CHN1: variants seen among roughly 807,000 people sequenced by gnomAD.
CHN1 encodes the protein N-chimaerin.
In CHN1, 37 loss-of-function variants were observed where a neutral mutation model predicts 59.5. The ratio of observed to expected loss-of-function variants is 0.62; its 90% CI spans 0.48 to 0.82. The LOEUF is 0.82. Ranked by LOEUF, CHN1 falls within the 40% of genes least tolerant of loss-of-function variation. The probability of loss-of-function intolerance (pLI) is 0.00; values close to 1 mark genes in which losing one functional copy is unlikely to be tolerated. For synonymous variants in CHN1, 206 were observed against 200.4 expected (o/e 1.03, Z -0.24); for missense variants, 469 against 571.0 (o/e 0.82, Z 1.82).
In CHN1 at chr2:174,854,596, C is replaced by T. The variant is rs148577893; in HGVS notation, c.550-7639G>A. 1.6e-4 allele frequency among the ~76,000 whole-genome samples: 24 copies of T among 152,266 alleles called. No individual in the cohort carries two copies. The East Asian group carries it at 4.4e-3, about 28-fold the overall frequency. Reference sequence around the variant, plus strand: ...TAACTCTGTCATTTATTGGCTATGGCACCTCCTTGGTCAAGTAACTGATTT... The same window carrying T: ...TAACTCTGTCATTTATTGGCTATGGTACCTCCTTGGTCAAGTAACTGATTT... On this transcript the variant is annotated intron_variant, in intron 6 of 12. Transcript: ENST00000409900.
chr2:175,003,463 G>A (rs867842860), intron 1 of CHN1, among the ~76,000 whole-genome samples: 59 of 151,756 alleles, frequency 3.9e-4, no homozygotes, highest in African/African-American at 1.3e-3. Flanking sequence ...TTTTTTATTC[G>A]TCAGGAATGC....
intron 1 of CHN1, among the ~76,000 whole-genome samples, chr2:174,979,958 C>A (rs1229641319): frequency 6.6e-6 from 1 of 152,086 alleles, no homozygotes; most frequent in African/African-American, 2.4e-5. Flanking sequence ...CAATTTCATT[C>A]CAAGATTTAA....
intron 8 of CHN1, among the ~76,000 whole-genome samples, chr2:174,812,978 C>T (rs1022480768): frequency 1.3e-5 from 2 of 152,132 alleles, no homozygotes; most frequent in African/African-American, 4.8e-5. Flanking sequence ...TATATGATAA[C>T]TAATATATAA....
chr2:174,974,575 A>T (rs959611514), intron 1 of CHN1, among the ~76,000 whole-genome samples: 3 of 152,310 alleles, frequency 2.0e-5, no homozygotes, highest in African/African-American at 7.2e-5. Context: ...ACTGTTCACA[A>T]GTGACAATTA....
intron 5 of CHN1, among the ~76,000 whole-genome samples, chr2:174,897,367 C>T (rs369264308): frequency 6.6e-6 from 1 of 152,090 alleles, no homozygotes; most frequent in South Asian, 2.1e-4. Context: ...AAAAGATCAA[C>T]ATTTGCCTTA....
intron 6 of CHN1, among the ~76,000 whole-genome samples, chr2:174,858,392 T>A (rs1275365472): frequency 1.3e-5 from 2 of 152,194 alleles, no homozygotes; most frequent in African/African-American, 4.8e-5. Flanking sequence ...TTTGCTTTTA[T>A]TTTGAAAATG....
chr2:174,904,858 A>G (rs888173125), intron 5 of CHN1, among the ~76,000 whole-genome samples: 12 of 152,152 alleles, frequency 7.9e-5, no homozygotes, highest in African/African-American at 2.9e-4. Context: ...AACAGAGGTT[A>G]CGGGTTACAA....
chr2:174,853,127 A>C (rs1188703209), intron 6 of CHN1, among the ~76,000 whole-genome samples: 1 of 152,208 alleles, frequency 6.6e-6, no homozygotes, highest in Non-Finnish European at 1.5e-5. Context: ...TGTGCACAGC[A>C]AAAGAAACTA....
chr2:174,889,952 G>C (rs1687999479), intron 5 of CHN1, among the ~76,000 whole-genome samples: 1 of 149,784 alleles, frequency 6.7e-6, no homozygotes, highest in Non-Finnish European at 1.5e-5. Flanking sequence ...AAATGAGAAG[G>C]GAATCAAACC....
At chr2:174,981,826 AGGG>A (rs1691159781) in intron 1 of CHN1, among the ~76,000 whole-genome samples, 1 of 152,170 alleles carries the variant, frequency 6.6e-6, no homozygotes, top group African/African-American at 2.4e-5. Context: ...TTTAAGTTTT[AGGG>A]TACATGTGCA....
intron 6 of CHN1, among the ~76,000 whole-genome samples, chr2:174,857,041 C>G (rs906359626): frequency 5.3e-5 from 8 of 152,044 alleles, no homozygotes; most frequent in Non-Finnish European, 8.8e-5. Context: ...TAGTTTATAA[C>G]AAAATATAAT....
chr2:174,838,597 G>C (rs560173874), intron 7 of CHN1, among the ~76,000 whole-genome samples: 36 of 152,218 alleles, frequency 2.4e-4, no homozygotes, highest in African/African-American at 7.7e-4. Flanking sequence ...ATCTGGAAGG[G>C]GTGAGTGAAT....
chr2:174,934,391 G>C (rs1356346278), intron 3 of CHN1, among the ~76,000 whole-genome samples: 1 of 152,186 alleles, frequency 6.6e-6, no homozygotes, highest in Non-Finnish European at 1.5e-5. Context: ...TGATCTGACA[G>C]GAGGCAGAGC....
At chr2:174,899,126 T>C (rs2105354551) in intron 5 of CHN1, among the ~76,000 whole-genome samples, 1 of 152,244 alleles carries the variant, frequency 6.6e-6, no homozygotes, top group East Asian at 1.9e-4. Context: ...TTATATACAT[T>C]TATACCAGTA....
At chr2:174,838,874 G>C (rs1278805751) in intron 7 of CHN1, among the ~76,000 whole-genome samples, 1 of 151,952 alleles carries the variant, frequency 6.6e-6, no homozygotes, top group Non-Finnish European at 1.5e-5. Flanking sequence ...AATGTGGTGT[G>C]TGTTTGGTGG....
chr2:174,999,297 T>G (rs1366999944), intron 1 of CHN1, among the ~76,000 whole-genome samples: 1 of 152,200 alleles, frequency 6.6e-6, no homozygotes, highest in Non-Finnish European at 1.5e-5. Context: ...GTGATTTCAT[T>G]TAGTTTACAT....
At chr2:174,886,802 T>C (rs949125578) in intron 5 of CHN1, among the ~76,000 whole-genome samples, 2 of 152,136 alleles carry the variant, frequency 1.3e-5, no homozygotes, top group African/African-American at 4.8e-5. Context: ...ATCAGCAAAG[T>C]ATCACATTTT....
chr2:174,883,999 G>A (rs1159027782), intron 5 of CHN1, among the ~76,000 whole-genome samples: 6 of 133,332 alleles, frequency 4.5e-5, no homozygotes, highest in Non-Finnish European at 6.2e-5. Context: ...ACGTAGTCTC[G>A]CTCTGTCGCC....
intron 6 of CHN1, among the ~76,000 whole-genome samples, chr2:174,867,250 C>A (rs1261865731): frequency 6.6e-6 from 1 of 151,750 alleles, no homozygotes; most frequent in East Asian, 1.9e-4. Context: ...GTGGTGCACG[C>A]CTATAGTCCC....
Sources: gnomAD v4.1 joint callset for allele counts (sites outside exome capture counted in the v4.1 genomes callset) on GRCh38, gnomAD v4.1.1 for gene constraint, MANE v1.5 for transcripts, NCBI Gene and HGNC (gene_info 2026-07-23, HGNC 2026-07-21) for gene names.